RBMS3: variants seen among roughly 807,000 people sequenced by gnomAD.
The protein encoded by RBMS3 is RNA binding motif single stranded interacting protein 3, also known as RNA-binding motif, single-stranded-interacting protein 3.
Under a neutral mutation model 66.8 loss-of-function variants are expected in RBMS3, and 27 were observed. The ratio of observed to expected loss-of-function variants is 0.40; its 90% CI spans 0.30 to 0.56. The LOEUF (loss-of-function observed/expected upper bound fraction) is 0.56, where lower values mean the gene tolerates loss of function less well. RBMS3 is among the 20% of genes least tolerant of loss of function. RBMS3 has a pLI of 0.40. For synonymous variants in RBMS3, 188 were observed against 183.0 expected (o/e 1.03, Z -0.22); for missense variants, 513 against 549.5 (o/e 0.93, Z 0.66).
At chr3:29,362,441 G>A (rs1024917030) in intron 1 of RBMS3, among the ~76,000 whole-genome samples, 2 of 152,174 alleles carry the variant, frequency 1.3e-5, no homozygotes, top group African/African-American at 4.8e-5. Flanking sequence ...GGCCTTGTGA[G>A]GTGTCAGTCT....
At chr3:29,662,579 C>T (rs756808929) in intron 4 of RBMS3, among the ~76,000 whole-genome samples, 2 of 152,186 alleles carry the variant, frequency 1.3e-5, no homozygotes, top group Non-Finnish European at 2.9e-5. Context: ...TGAATTCCAA[C>T]ACTATGAGAA....
chr3:29,344,885 G>A (rs944223156), intron 1 of RBMS3, among the ~76,000 whole-genome samples: 4 of 152,188 alleles, frequency 2.6e-5, no homozygotes, highest in African/African-American at 4.8e-5. Flanking sequence ...AGAAAAGACA[G>A]TGTGTAGACA....
At chr3:29,428,765 T>C (rs2041064633) in intron 1 of RBMS3, among the ~76,000 whole-genome samples, 1 of 152,198 alleles carries the variant, frequency 6.6e-6, no homozygotes, top group African/African-American at 2.4e-5. Context: ...TTCCTGTTAT[T>C]AAATAACAAA....
At chr3:29,943,160 T>C (rs2061431449) in intron 11 of RBMS3, among the ~76,000 whole-genome samples, 1 of 151,858 alleles carries the variant, frequency 6.6e-6, no homozygotes, top group Non-Finnish European at 1.5e-5. Context: ...AAATACGTGA[T>C]AGTCCAAAAG....
chr3:29,659,047 G>A (rs1189699235), intron 4 of RBMS3, among the ~76,000 whole-genome samples: 2 of 152,168 alleles, frequency 1.3e-5, no homozygotes, highest in African/African-American at 4.8e-5. Context: ...TTGATCTCCT[G>A]ACCTCGTAAT....
rs534188373 is a variant in RBMS3 at position 29,531,875 on chromosome 3, C to T, written c.307+43376C>T. On this transcript the variant is annotated intron_variant, in intron 3 of 14. Transcript: ENST00000383767. Reference sequence around the variant, plus strand: ...TAACCCATTTGGGGATCAGTGTAAACTGTCTTTTGTCACGTAGCAATTCCC... The same window carrying T: ...TAACCCATTTGGGGATCAGTGTAAATTGTCTTTTGTCACGTAGCAATTCCC... Among the ~76,000 whole-genome samples the T allele has an allele frequency of 8.5e-5, 13 of 152,250 alleles. No individual in the cohort carries two copies. In the Middle Eastern group the frequency reaches 0.014, roughly 159 times the overall value.
At chr3:29,675,305 C>T (rs2051196373) in intron 4 of RBMS3, among the ~76,000 whole-genome samples, 2 of 152,250 alleles carry the variant, frequency 1.3e-5, no homozygotes, top group South Asian at 2.1e-4. Context: ...AAATGTTAGA[C>T]TTAAAACCAT....
intron 10 of RBMS3, among the ~76,000 whole-genome samples, chr3:29,918,700 C>G (rs1051255484): frequency 1.3e-5 from 2 of 152,034 alleles, no homozygotes; most frequent in Non-Finnish European, 2.9e-5. Context: ...TGAGAAAATT[C>G]TATGTAAGTA....
In RBMS3 at chr3:29,439,838, C is replaced by T. The variant is rs149692364; in HGVS notation, c.248+4923C>T. Among the ~76,000 whole-genome samples, 48 of 152,072 alleles carry T rather than the reference C, an allele frequency of 3.2e-4. 2 individuals are homozygous for T. The East Asian group carries it at 8.9e-3, about 28-fold the overall frequency. On this transcript the variant is annotated intron_variant, in intron 2 of 14. Transcript: ENST00000383767. ...GCTGTAATATTAAAAGCACTAAAGG[C>T]AATGTAATAAAAACTAGGAATCCAA...
At chr3:29,325,199 G>T (rs1425032322) in intron 1 of RBMS3, among the ~76,000 whole-genome samples, 1 of 152,092 alleles carries the variant, frequency 6.6e-6, no homozygotes, top group East Asian at 1.9e-4. Flanking sequence ...AAGACATAGT[G>T]CAGAACATTT....
intron 10 of RBMS3, among the ~76,000 whole-genome samples, chr3:29,909,131 A>G (rs1230145896): frequency 6.6e-6 from 1 of 152,150 alleles, no homozygotes; most frequent in East Asian, 1.9e-4. Flanking sequence ...CTTAAGTGAA[A>G]TGTTTATATT....
intron 4 of RBMS3, among the ~76,000 whole-genome samples, chr3:29,733,911 A>G (rs1325633116): frequency 6.6e-6 from 1 of 151,930 alleles, no homozygotes; most frequent in African/African-American, 2.4e-5. Flanking sequence ...CCGTTTTGAG[A>G]TTTTGAGTTG....
chr3:29,499,539 T>C (rs937584342), intron 3 of RBMS3, among the ~76,000 whole-genome samples: 2 of 152,186 alleles, frequency 1.3e-5, no homozygotes, highest in African/African-American at 4.8e-5. Flanking sequence ...ATGATCATTT[T>C]AGAAACAGGT....
chr3:29,482,310 C>A (rs1359147687), intron 2 of RBMS3, among the ~76,000 whole-genome samples: 1 of 152,110 alleles, frequency 6.6e-6, no homozygotes, highest in African/African-American at 2.4e-5. Context: ...TGAGAACCAG[C>A]AAATAAGTGA....
At chr3:29,558,977 T>G (rs2046447807) in intron 3 of RBMS3, among the ~76,000 whole-genome samples, 1 of 152,162 alleles carries the variant, frequency 6.6e-6, no homozygotes, top group African/African-American at 2.4e-5. Flanking sequence ...CCTTAAAGAT[T>G]ATTTAATACT....
chr3:29,981,129 T>C (rs1487225291), intron 12 of RBMS3, among the ~76,000 whole-genome samples: 2 of 152,220 alleles, frequency 1.3e-5, no homozygotes, highest in African/African-American at 4.8e-5. Context: ...TTCATAGTTC[T>C]CCTTGAAATG....
chr3:29,650,568 T>A (rs971437957), intron 4 of RBMS3, among the ~76,000 whole-genome samples: 5 of 152,152 alleles, frequency 3.3e-5, no homozygotes, highest in Non-Finnish European at 7.4e-5. Flanking sequence ...GCTAGGATTA[T>A]AGGCATGAGG....
At chr3:29,479,026 T>G (rs1291163575) in intron 2 of RBMS3, among the ~76,000 whole-genome samples, 1 of 152,210 alleles carries the variant, frequency 6.6e-6, no homozygotes, top group Non-Finnish European at 1.5e-5. Flanking sequence ...TATCTGAGCT[T>G]ATTCACTATA....
intron 10 of RBMS3, among the ~76,000 whole-genome samples, chr3:29,910,865 T>C (rs2060497716): frequency 6.6e-6 from 1 of 152,140 alleles, no homozygotes; most frequent in Non-Finnish European, 1.5e-5. Context: ...AGTTAGATTT[T>C]TCAAAATGAT....
Sources: allele counts gnomAD v4.1 joint callset (sites outside exome capture counted in the v4.1 genomes callset), GRCh38; gene constraint gnomAD v4.1.1; transcripts MANE v1.5; gene names NCBI Gene and HGNC (gene_info 2026-07-23, HGNC 2026-07-21).